Variants in DNAH11 observed in about 807,000 individuals in gnomAD.
DNAH11 encodes axonemal beta dynein heavy chain 11.
DNAH11 carries 442 observed loss-of-function variants against 526.0 expected under a neutral mutation model. The ratio of observed to expected loss-of-function variants is 0.84; its 90% CI spans 0.78 to 0.91. DNAH11 has a LOEUF of 0.91. DNAH11 is among the 40% of genes least tolerant of loss of function. DNAH11 has a pLI of 0.00. For synonymous variants in DNAH11, 2,461 were observed against 1,935.9 expected (o/e 1.27, Z -7.12); for missense variants, 6,989 against 5,448.7 (o/e 1.28, Z -8.90).
chr7:21,569,725 A>G (rs1295716034), intron 6 of DNAH11, among the ~76,000 whole-genome samples: 1 of 152,176 alleles, frequency 6.6e-6, no homozygotes, highest in Admixed American at 6.5e-5. Flanking sequence ...TGCCTCGTAT[A>G]TTCTTTAGAT....
Position 21,619,162 on chromosome 7 carries a change from AGTGGAAGATGATGTCCGAAGGATT to A in DNAH11, c.4323_4346del (p.Glu1441_Val1448del). ...ATTTGTTAGCACTGCGGTTACACAGAGTGGAAGATGATGTCCGAAGGATTGTGGACAAGGCGGTGAAAGAGCTGG... is the reference window on the plus strand; with the variant it reads ...ATTTGTTAGCACTGCGGTTACACAGAGTGGACAAGGCGGTGAAAGAGCTGG... On this transcript the variant is annotated inframe_deletion, in exon 24 of 82. Coordinates refer to ENST00000409508, the MANE Select transcript of DNAH11 (RefSeq NM_001277115.2). The A allele has an allele frequency of 6.2e-7, 1 of 1,613,590 alleles. No individual in the cohort carries two copies. Among genetic ancestry groups the A allele is most frequent in the Non-Finnish European group, 8.5e-7 (1 of 1,179,684 alleles).
intron 65 of DNAH11, among the ~76,000 whole-genome samples, chr7:21,833,512 A>G (rs1355269472): frequency 6.6e-6 from 1 of 151,950 alleles, no homozygotes; most frequent in Non-Finnish European, 1.5e-5. Flanking sequence ...GGCCAACATG[A>G]TGAAACCTCG....
intron 18 of DNAH11, among the ~76,000 whole-genome samples, chr7:21,602,178 A>G (rs868257119): frequency 1.3e-5 from 2 of 151,964 alleles, no homozygotes; most frequent in Non-Finnish European, 2.9e-5. Flanking sequence ...CATCTCTACT[A>G]AAAATACAAA....
chr7:21,607,517 C>T (rs1785340387), intron 20 of DNAH11, among the ~76,000 whole-genome samples: 1 of 152,158 alleles, frequency 6.6e-6, no homozygotes, highest in South Asian at 2.1e-4. Context: ...ACAACTACTA[C>T]TATTTTTTGA....
chr7:21,894,871 T>C lies in DNAH11; in HGVS notation c.12934-13T>C, dbSNP rs1194601401. 1 of 1,613,710 alleles carries C rather than the reference T, an allele frequency of 6.2e-7. No homozygotes were observed. Among genetic ancestry groups the C allele is most frequent in the South Asian group, 1.1e-5 (1 of 91,048 alleles). On this transcript the variant is annotated splice_polypyrimidine_tract_variant and intron_variant, in intron 78 of 81. Coordinates refer to ENST00000409508, the MANE Select transcript of DNAH11 (RefSeq NM_001277115.2). ...GAAGATATTCACTGTGTGGCTTTTT[T>C]TCTCCATGCAAGGGGGAATTGGCAT...
At chr7:21,659,460 A>G (rs1207901324) in intron 30 of DNAH11, among the ~76,000 whole-genome samples, 2 of 151,958 alleles carry the variant, frequency 1.3e-5, no homozygotes, top group Non-Finnish European at 2.9e-5. Context: ...AACTTTGAAA[A>G]ATAATCTATT....
intron 65 of DNAH11, among the ~76,000 whole-genome samples, chr7:21,839,178 C>A (rs1023701159): frequency 6.6e-6 from 1 of 152,100 alleles, no homozygotes; most frequent in Admixed American, 6.5e-5. Context: ...ACCCATCTTT[C>A]ACTTGTACAG....
intron 22 of DNAH11, among the ~76,000 whole-genome samples, chr7:21,616,758 G>C (rs934476405): frequency 6.6e-6 from 1 of 152,234 alleles, no homozygotes; most frequent in Middle Eastern, 3.4e-3. Context: ...TATCCCAAGG[G>C]GGCTCAACAT....
chr7:21,762,236 T>C (rs1278195844), intron 54 of DNAH11, among the ~76,000 whole-genome samples: 1 of 152,132 alleles, frequency 6.6e-6, no homozygotes, highest in Non-Finnish European at 1.5e-5. Context: ...TGAGGCCTTA[T>C]CACTCAAGTA....
chr7:21,818,379 A>AT, intron 65 of DNAH11, 40 bp downstream of exon 65: 1 of 1,585,262 alleles, frequency 6.3e-7, no homozygotes, highest in African/African-American at 1.4e-5. Context: ...ATCTTGCTAA[A>AT]TGATTTTCAG....
chr7:21,763,596 C>G (rs6974214), intron 54 of DNAH11, among the ~76,000 whole-genome samples: 140,462 of 151,244 alleles, frequency 0.93, 65,336 homozygotes, highest in African/African-American at 0.95. Context: ...ACAGTATGGT[C>G]GTTCCTCAAA....
chr7:21,895,059 T>C, intron 79 of DNAH11, 60 bp downstream of exon 79: 2 of 1,356,968 alleles, frequency 1.5e-6, no homozygotes, highest in Non-Finnish European at 2.1e-6. Context: ...GGGTTAGTGT[T>C]CTGAATAATG....
chr7:21,615,090 C>T lies in DNAH11; in HGVS notation c.3853-24C>T, dbSNP rs182638542. The T allele has an allele frequency of 7.5e-5, 119 of 1,579,612 alleles. No homozygotes were observed. The East Asian group carries it at 1.2e-3, about 16-fold the overall frequency. On this transcript the variant is annotated intron_variant, in intron 20 of 81. Coordinates refer to ENST00000409508, the MANE Select transcript of DNAH11 (RefSeq NM_001277115.2). ...TTCTCTTTCTCTGGCAGTTTGTATG[C>T]AGGTGTTTATGTTCTCTCCTTAGGC...
At chr7:21,563,455 C>T (rs755204919) in intron 5 of DNAH11, among the ~76,000 whole-genome samples, 6 of 152,064 alleles carry the variant, frequency 3.9e-5, no homozygotes, top group South Asian at 4.1e-4. Flanking sequence ...CTAATCCTTC[C>T]GAAGTGCTGG....
chr7:21,621,279 T>G (rs1458034750), intron 25 of DNAH11, among the ~76,000 whole-genome samples: 1 of 152,160 alleles, frequency 6.6e-6, no homozygotes, highest in Non-Finnish European at 1.5e-5. Context: ...CAGGAAGAAG[T>G]TGACTCTCTG....
intron 30 of DNAH11, among the ~76,000 whole-genome samples, chr7:21,668,863 G>A (rs1301383663): frequency 6.6e-6 from 1 of 152,128 alleles, no homozygotes; most frequent in East Asian, 1.9e-4. Context: ...AAGTGAAATT[G>A]CTGGATCACA....
At chr7:21,681,213 G>A (rs1455923311) in intron 30 of DNAH11, among the ~76,000 whole-genome samples, 1 of 152,076 alleles carries the variant, frequency 6.6e-6, no homozygotes, top group Non-Finnish European at 1.5e-5. Flanking sequence ...GATCACTCAA[G>A]GTCAGGAGTT....
At chr7:21,607,099 T>C (rs765052733) in intron 20 of DNAH11, among the ~76,000 whole-genome samples, 1 of 151,944 alleles carries the variant, frequency 6.6e-6, no homozygotes, top group Non-Finnish European at 1.5e-5. Context: ...ACCTCAAAAG[T>C]AGGGGAGCCA....
At chr7:21,873,615 G>A in intron 74 of DNAH11, 114 bp downstream of exon 74, 1 of 998,926 alleles carries the variant, frequency 1.0e-6, no homozygotes, top group Non-Finnish European at 1.5e-6. Context: ...AGTTCTTAAT[G>A]TTCGCATGTG....
Sources: allele counts gnomAD v4.1 joint callset (sites outside exome capture counted in the v4.1 genomes callset), GRCh38; gene constraint gnomAD v4.1.1; transcripts MANE v1.5; gene names NCBI Gene and HGNC (gene_info 2026-07-23, HGNC 2026-07-21).